The following ADRA1B variants were observed in gnomAD, a reference collection of about 807,000 sequenced individuals.
ADRA1B encodes adrenoceptor alpha 1B.
In ADRA1B, 17 loss-of-function variants were observed where a neutral mutation model predicts 17.9. The ratio of observed to expected loss-of-function variants is 0.95; its 90% CI spans 0.65 to 1.42. The LOEUF (loss-of-function observed/expected upper bound fraction) is 1.42, where lower values mean the gene tolerates loss of function less well. Among genes scored for constraint, ADRA1B ranks in the 40% most tolerant of loss-of-function variants. The pLI, the probability that ADRA1B is intolerant of heterozygous loss-of-function variation, is 0.00. For missense variants in ADRA1B, 681 were observed against 722.1 expected (o/e 0.94, Z 0.65); for synonymous variants, 366 against 327.6 (o/e 1.12, Z -1.27).
At chr5:159,914,529 A>T (rs577849909), upstream of ADRA1B, among the ~76,000 whole-genome samples, 9 of 152,222 alleles carry the variant, frequency 5.9e-5, no homozygotes. Context: ...CAATTTAATT[A>T]TAATAGAAAA....
At chr5:159,896,664 C>G (rs1754044144) in intron 1 of ADRA1B, among the ~76,000 whole-genome samples, 1 of 152,204 alleles carries the variant, frequency 6.6e-6, no homozygotes, top group Non-Finnish European at 1.5e-5. Flanking sequence ...TCTGTCAAAT[C>G]CATCCTTGTT....
intron 1 of ADRA1B, among the ~76,000 whole-genome samples, chr5:159,893,756 G>A (rs979604888): frequency 2.0e-5 from 3 of 152,188 alleles, no homozygotes; most frequent in African/African-American, 7.2e-5. Context: ...GGGCTCAACT[G>A]TCATCAAAAG....
At chr5:159,981,378 C>T in the ADRA1B span, among the ~76,000 whole-genome samples, 3 of 152,002 alleles carry the variant, frequency 2.0e-5, no homozygotes, top group Admixed American at 2.0e-4. Context: ...GTAAAATAGC[C>T]CCCAATTGAA....
intron 1 of ADRA1B, among the ~76,000 whole-genome samples, chr5:159,966,953 T>C (rs971283728): frequency 1.3e-5 from 2 of 152,128 alleles, no homozygotes; most frequent in Admixed American, 6.6e-5. Flanking sequence ...AGAAGTGAAA[T>C]AGCACCACGT....
At chr5:159,944,099 A>C (rs1755208659) in intron 1 of ADRA1B, among the ~76,000 whole-genome samples, 1 of 151,992 alleles carries the variant, frequency 6.6e-6, no homozygotes, top group South Asian at 2.1e-4. Context: ...ACCTTTACGA[A>C]CTCAGATTCT....
intron 1 of ADRA1B, among the ~76,000 whole-genome samples, chr5:159,957,946 A>AG (rs1755591158): frequency 6.9e-6 from 1 of 144,602 alleles, no homozygotes; most frequent in African/African-American, 2.6e-5. Context: ...AAAAAAAAAA[A>AG]AAAAAAGAAA....
intron 1 of ADRA1B, chr5:159,947,648 A>G: frequency 1.1e-6 from 1 of 938,750 alleles, no homozygotes; most frequent in Non-Finnish European, 1.3e-6. Context: ...AGCTATTCAT[A>G]AATGAAATGG....
At chr5:159,872,421 G>A (rs1753755845) in intron 1 of ADRA1B, among the ~76,000 whole-genome samples, 1 of 152,196 alleles carries the variant, frequency 6.6e-6, no homozygotes, top group African/African-American at 2.4e-5. Context: ...TAAGATCCCT[G>A]TGATACAGAA....
intron 1 of ADRA1B, among the ~76,000 whole-genome samples, chr5:159,929,558 G>A (rs979672561): frequency 2.0e-5 from 3 of 151,338 alleles, no homozygotes; most frequent in Non-Finnish European, 4.4e-5. Context: ...ATGTACTTCA[G>A]GATATGAGAT....
chr5:159,888,821 C>T (rs546180586), intron 1 of ADRA1B, among the ~76,000 whole-genome samples: 26 of 152,232 alleles, frequency 1.7e-4, no homozygotes, highest in Non-Finnish European at 3.1e-4. Flanking sequence ...TTTACCTGAA[C>T]TTCAGTTTAC....
At chr5:159,917,951 T>A (rs1350611144) in intron 1 of ADRA1B, 97 bp downstream of exon 1, 3 of 1,017,836 alleles carry the variant, frequency 2.9e-6, no homozygotes, top group Non-Finnish European at 4.4e-6. Flanking sequence ...TTGTTTCTTA[T>A]GCAGTCTGTG....
chr5:159,936,863 G>A (rs1455730328), intron 1 of ADRA1B, among the ~76,000 whole-genome samples: 1 of 152,180 alleles, frequency 6.6e-6, no homozygotes, highest in Non-Finnish European at 1.5e-5. Context: ...CCCAGGCTCA[G>A]GTGGACTTGG....
intron 1 of ADRA1B, among the ~76,000 whole-genome samples, chr5:159,885,792 C>T (rs1753917530): frequency 1.3e-5 from 2 of 152,192 alleles, no homozygotes; most frequent in Non-Finnish European, 2.9e-5. Context: ...CGAAAAACAT[C>T]CCAAGTTAGA....
At chr5:159,942,174 G>C (rs536336286) in intron 1 of ADRA1B, among the ~76,000 whole-genome samples, 1 of 151,994 alleles carries the variant, frequency 6.6e-6, no homozygotes, top group African/African-American at 2.4e-5. Flanking sequence ...CGCCCGCCTC[G>C]GCCTCCCAAA....
the ADRA1B span, among the ~76,000 whole-genome samples, chr5:159,980,642 G>GC: frequency 2.0e-5 from 3 of 152,016 alleles, no homozygotes; most frequent in African/African-American, 4.8e-5. Flanking sequence ...GGTAAGACTG[G>GC]CAGAATAATA....
the ADRA1B span, among the ~76,000 whole-genome samples, chr5:159,988,844 G>A: frequency 3.9e-5 from 6 of 152,154 alleles, no homozygotes; most frequent in African/African-American, 1.4e-4. Context: ...GCCAGGTTTG[G>A]TGATATGCAC....
In ADRA1B at chr5:159,899,271, G is replaced by GAAGGAAGGAAGGAAGGAAGA. The variant is rs1561585268; in HGVS notation, c.-255-16829_-255-16828insAAAGGAAGGAAGGAAGGAAG. Among the ~76,000 whole-genome samples, 512 of 116,024 alleles carry GAAGGAAGGAAGGAAGGAAGA rather than the reference G, an allele frequency of 4.4e-3. 3 individuals carry two copies. Among genetic ancestry groups the GAAGGAAGGAAGGAAGGAAGA allele is most frequent in the African/African-American group, 0.016 (476 of 30,128 alleles). The allele number at this position is 116,024 out of a possible 152,430, so 76.1% of individuals were successfully genotyped here. On this transcript the variant is annotated intron_variant, in intron 1 of 2. Coordinates refer to the ADRA1B transcript ENST00000641205. ...GGAAGGAAGGAAGGAAGAAAGGAAGGAAGGAAGGAAGGAAGGAAGGAAGGA... is the reference window on the plus strand; with the variant it reads ...GGAAGGAAGGAAGGAAGAAAGGAAGGAAGGAAGGAAGGAAGGAAGAAAGGAAGGAAGGAAGGAAGGAAGGA...
upstream of ADRA1B, among the ~76,000 whole-genome samples, chr5:159,912,802 C>A (rs1754241902): frequency 6.6e-6 from 1 of 152,180 alleles, no homozygotes; most frequent in Non-Finnish European, 1.5e-5. Flanking sequence ...ACATAGATTG[C>A]CTAACACAGT....
At chr5:159,958,140 T>C (rs1755598716) in intron 1 of ADRA1B, among the ~76,000 whole-genome samples, 1 of 152,138 alleles carries the variant, frequency 6.6e-6, no homozygotes, top group Non-Finnish European at 1.5e-5. Context: ...TCTTATTTTA[T>C]ACTTATAAAA....
Sources: allele counts gnomAD v4.1 joint callset (sites outside exome capture counted in the v4.1 genomes callset), GRCh38; gene constraint gnomAD v4.1.1; transcripts MANE v1.5; gene names NCBI Gene and HGNC (gene_info 2026-07-23, HGNC 2026-07-21).